Variants in FRK observed in about 807,000 individuals in gnomAD.
FRK encodes tyrosine-protein kinase FRK.
FRK carries 51 observed loss-of-function variants against 56.4 expected under a neutral mutation model. The observed-to-expected ratio is 0.90, with a 90% CI of 0.72 to 1.14. The LOEUF (loss-of-function observed/expected upper bound fraction) is 1.14. FRK is among the 50% of genes most tolerant of loss of function. The pLI is 0.00. For synonymous variants in FRK, 245 were observed against 217.9 expected (o/e 1.12, Z -1.10); for missense variants, 570 against 601.4 (o/e 0.95, Z 0.55).
chr6:116,052,170 C>T (rs1019582720), intron 1 of FRK, among the ~76,000 whole-genome samples: 4 of 152,150 alleles, frequency 2.6e-5, no homozygotes, highest in Non-Finnish European at 5.9e-5. Context: ...TTGAATTGGT[C>T]TACGACTCTT....
intron 2 of FRK, among the ~76,000 whole-genome samples, chr6:115,980,513 T>C (rs924851836): frequency 1.3e-5 from 2 of 152,164 alleles, no homozygotes; most frequent in South Asian, 2.1e-4. Context: ...GCAAAGATGA[T>C]TAAATTTGCC....
At chr6:116,096,201 G>A in the FRK span, among the ~76,000 whole-genome samples, 1 of 152,168 alleles carries the variant, frequency 6.6e-6, no homozygotes, top group Non-Finnish European at 1.5e-5. Flanking sequence ...TTCCCCTCTA[G>A]AGGACAGTAC....
the FRK span, among the ~76,000 whole-genome samples, chr6:116,089,272 T>C: frequency 6.6e-6 from 1 of 152,218 alleles, no homozygotes; most frequent in Non-Finnish European, 1.5e-5. Context: ...TGAGATATCT[T>C]TGCTTCAAAT....
At chr6:116,099,674 A>T in the FRK span, among the ~76,000 whole-genome samples, 2 of 150,934 alleles carry the variant, frequency 1.3e-5, no homozygotes, top group African/African-American at 5.0e-5. Context: ...ACTAGGTATA[A>T]GTGTCCTCCT....
chr6:115,974,866 CCTTT>C (rs1261286465), intron 2 of FRK, among the ~76,000 whole-genome samples: 1 of 152,112 alleles, frequency 6.6e-6, no homozygotes, highest in Non-Finnish European at 1.5e-5. Flanking sequence ...TCGAGCTCCT[CCTTT>C]CTATCACATA....
chr6:116,024,443 A>T (rs1431475003), intron 1 of FRK, among the ~76,000 whole-genome samples: 1 of 145,450 alleles, frequency 6.9e-6, no homozygotes, highest in South Asian at 2.4e-4. Flanking sequence ...AGTCCCCAGA[A>T]TGTGATGTTC....
intron 2 of FRK, among the ~76,000 whole-genome samples, chr6:115,989,997 G>T (rs1774535424): frequency 6.6e-6 from 1 of 151,838 alleles, no homozygotes; most frequent in African/African-American, 2.4e-5. Context: ...GTGTAGGATG[G>T]TATCTCATTA....
At chr6:116,068,834 T>TAA in the FRK span, among the ~76,000 whole-genome samples, 31 of 144,442 alleles carry the variant, frequency 2.1e-4, no homozygotes, top group African/African-American at 7.6e-4. Context: ...AATTCAGGTT[T>TAA]AAAAAAAAAA....
In FRK at chr6:115,967,605, A is replaced by G. The variant is rs1044344981; in HGVS notation, c.745T>C (p.Trp249Arg). Residue 249 changes from tryptophan (W) to arginine (R), a missense_variant, in exon 4 of 8, where the codon TGG becomes CGG. By Grantham distance (101) the Trp-to-Arg change is moderately radical (BLOSUM62 -3). Coordinates refer to ENST00000606080, the MANE Select transcript of FRK (RefSeq NM_002031.3). ...RLGSGQFGEV[W>R]EGLWNNTTPV... ...GTGGTATTGTTCCACAGACCTTCCC[A>G]TACTTCGCCAAACTGACCAGATCCC... 22 of 1,613,760 alleles carry G rather than the reference A, an allele frequency of 1.4e-5. No individual in the cohort carries two copies. The highest frequency in any genetic ancestry group is 1.9e-5 in the Non-Finnish European group (22 of 1,179,852).
At chr6:116,013,695 A>G (rs558852146) in intron 1 of FRK, among the ~76,000 whole-genome samples, 5 of 152,268 alleles carry the variant, frequency 3.3e-5, no homozygotes, top group East Asian at 3.9e-4. Flanking sequence ...TACTTCTTAC[A>G]TGGGACACTA....
intron 2 of FRK, among the ~76,000 whole-genome samples, chr6:115,983,670 T>C (rs1774288693): frequency 6.6e-6 from 1 of 152,168 alleles, no homozygotes; most frequent in Non-Finnish European, 1.5e-5. Context: ...GATTCCTCTC[T>C]TCCTGCCTTC....
chr6:116,034,096 T>G (rs1284936875), intron 1 of FRK, among the ~76,000 whole-genome samples: 2 of 152,254 alleles, frequency 1.3e-5, no homozygotes, highest in East Asian at 3.9e-4. Context: ...GGTCATGGGA[T>G]GAATGCTCCT....
the FRK span, among the ~76,000 whole-genome samples, chr6:116,069,530 G>T: frequency 2.6e-5 from 4 of 152,092 alleles, no homozygotes; most frequent in African/African-American, 7.2e-5. Context: ...CAATACTTGA[G>T]GGGGCTGAGT....
chr6:116,046,332 A>G (rs1342615844), intron 1 of FRK, among the ~76,000 whole-genome samples: 3 of 152,172 alleles, frequency 2.0e-5, no homozygotes, highest in African/African-American at 7.2e-5. Flanking sequence ...ACATGCACAC[A>G]TATGTTTATT....
At chr6:115,942,916 G>T (rs1391720736) in intron 7 of FRK, 104 bp downstream of exon 7, 2 of 1,135,688 alleles carry the variant, frequency 1.8e-6, no homozygotes, top group East Asian at 4.8e-5. Context: ...GTATGGTATG[G>T]TCAGCCTCAT....
chr6:115,994,336 G>A (rs201077990), intron 2 of FRK, among the ~76,000 whole-genome samples: 3 of 28,090 alleles, frequency 1.1e-4, no homozygotes, highest in Admixed American at 4.4e-4. Context: ...CCCCCCCCCC[G>A]CCTTTTTTTT....
the FRK span, among the ~76,000 whole-genome samples, chr6:116,075,477 A>AC: frequency 5.3e-5 from 8 of 151,664 alleles, no homozygotes; most frequent in African/African-American, 1.9e-4. Context: ...AAAAAAAAAA[A>AC]AAAAAACCTG....
At chr6:115,996,613 C>G (rs1447173956) in intron 2 of FRK, among the ~76,000 whole-genome samples, 2 of 152,134 alleles carry the variant, frequency 1.3e-5, no homozygotes, top group African/African-American at 4.8e-5. Flanking sequence ...GCCCAGACTT[C>G]TAAGGTTTAA....
At chr6:116,077,100 A>G in the FRK span, among the ~76,000 whole-genome samples, 3 of 152,370 alleles carry the variant, frequency 2.0e-5, 1 homozygote, top group South Asian at 6.2e-4. Flanking sequence ...AGATTAATGA[A>G]GTAATTCATA....
Sources: allele counts gnomAD v4.1 joint callset (sites outside exome capture counted in the v4.1 genomes callset), GRCh38; gene constraint gnomAD v4.1.1; transcripts MANE v1.5; gene names NCBI Gene and HGNC (gene_info 2026-07-23, HGNC 2026-07-21).